HMGN2: variants seen among roughly 807,000 people sequenced by gnomAD.
The protein encoded by HMGN2 is non-histone chromosomal protein HMG-17.
In HMGN2, 2 loss-of-function variants were observed where a neutral mutation model predicts 16.9. That is an observed-to-expected ratio of 0.12 (90% CI 0.05 to 0.37). The LOEUF is 0.37. HMGN2 is among the 10% of genes least tolerant of loss of function. HMGN2 has a pLI of 1.00. For synonymous variants in HMGN2, 31 were observed against 34.9 expected, an observed-to-expected ratio of 0.89 and a Z score of 0.39; for missense variants, 90 against 106.0, an observed-to-expected ratio of 0.85 and a Z score of 0.66.
rs924440366 is a variant in HMGN2, at chr1:26,473,718, G to A, written c.76G>A (p.Ala26Thr). ...KVKDEPQRRS[A>T]RLSAKPAPPK... The stretch of plus-strand genomic sequence containing the variant: ...TCTTTAATAGCCACAGAGAAGATCC[G>A]CGAGGTTGTCTGCTGTAAGTGTATG... The change falls in exon 3 of 6, where the codon GCG becomes ACG. Residue 26 changes from alanine (A) to threonine (T), a missense_variant. Transcript: ENST00000361427. 6.2e-7 allele frequency: 1 copy of A among 1,613,970 alleles called. No homozygotes were observed. Among genetic ancestry groups the A allele is most frequent in the Non-Finnish European group, 8.5e-7 (1 of 1,179,960 alleles).
intron 5 of HMGN2, 139 bp downstream of exon 5, chr1:26,474,806 A>G (rs1162468171): frequency 1.9e-5 from 12 of 637,110 alleles, no homozygotes; most frequent in Non-Finnish European, 5.6e-6. Flanking sequence ...GTTAACTTAA[A>G]TCCTGGATTC....
chr1:26,472,700 G>C lies in HMGN2; in HGVS notation c.15+73G>C, dbSNP rs1374038693. Reference sequence around the variant, plus strand: ...GCCGCCGCCGCCTCCCTGGTGCAGGGAGCGAGAATCGGCGCCGAGCAGGAG... The same window carrying C: ...GCCGCCGCCGCCTCCCTGGTGCAGGCAGCGAGAATCGGCGCCGAGCAGGAG... On this transcript the variant is annotated intron_variant, in intron 1 of 5. Coordinates refer to ENST00000361427, the MANE Select transcript of HMGN2 (RefSeq NM_005517.4). The C allele has an allele frequency of 6.5e-6, 9 of 1,389,002 alleles. No individual in the cohort carries two copies. In the East Asian group the frequency reaches 2.4e-4, roughly 36 times the overall value. The allele number at this position is 1,389,002 out of a possible 1,614,324, so 86.0% of individuals were successfully genotyped here. A position where few individuals can be genotyped will look rare whatever the true frequency, so the allele number is the denominator to read the frequency against.
chr1:26,474,179 C>T (rs769185738), intron 4 of HMGN2, 44 bp downstream of exon 4: 1 of 1,449,582 alleles, frequency 6.9e-7, no homozygotes, highest in African/African-American at 1.4e-5. Flanking sequence ...AGAATGAGGA[C>T]TGTCCTTAGT....
Position 26,472,561 on chromosome 1 carries a change from C to G in HMGN2, c.-52C>G. The G allele has an allele frequency of 2.0e-6, 3 of 1,534,876 alleles. No individual in the cohort carries two copies. The Admixed American group carries it at 5.8e-5, about 30-fold the overall frequency. On this transcript the variant is annotated 5_prime_UTR_variant, in exon 1 of 6. Transcript: ENST00000361427. ...CCCGGACCGACCAAAGCCCGCGCGC[C>G]GCTGCATCCCGCGTCCAGCACCTAC...
chr1:26,473,560 T>C, intron 2 of HMGN2, 33 bp downstream of exon 2: 1 of 1,596,306 alleles, frequency 6.3e-7, no homozygotes, highest in Non-Finnish European at 8.6e-7. Flanking sequence ...GTCAAAGCCT[T>C]GGACTAGCAG....
chr1:26,473,104 G>A (rs1285199893), intron 1 of HMGN2: 3 of 257,108 alleles, frequency 1.2e-5, no homozygotes, highest in East Asian at 2.1e-4. Context: ...CGAGACGCGC[G>A]CTGTCGCCGC....
chr1:26,473,241 G>A (rs2075587202), intron 1 of HMGN2: 1 of 536,792 alleles, frequency 1.9e-6, no homozygotes, highest in African/African-American at 1.9e-5. Context: ...CCTGCCTGTC[G>A]CGGTGGTGCG....
rs758256526 is a variant in HMGN2 at position 26,473,567 on chromosome 1, G to C, written c.60+40G>C. ...CTTCAAGGGTCAAAGCCTTGGACTA[G>C]CAGAGGCCACTGGACTCGGTGATTA... On this transcript the variant is annotated intron_variant, in intron 2 of 5. Coordinates refer to ENST00000361427, the MANE Select transcript of HMGN2 (RefSeq NM_005517.4). The C allele has an allele frequency of 7.0e-6, 11 of 1,577,050 alleles. No homozygotes were observed. In the Admixed American group the frequency reaches 1.8e-4, roughly 26 times the overall value.
rs2075575900 is a variant in HMGN2 at position 26,472,533 on chromosome 1, A to AC, written c.-75dup. The stretch of plus-strand genomic sequence containing the variant: ...GCAGTGTGAAGAAGAGGCGAGAACG[A>AC]CCCCCGGACCGACCAAAGCCCGCGC... On this transcript the variant is annotated 5_prime_UTR_variant, in exon 1 of 6. Coordinates refer to ENST00000361427, the MANE Select transcript of HMGN2 (RefSeq NM_005517.4). The AC allele has an allele frequency of 1.3e-6, 2 of 1,512,200 alleles. No homozygotes were observed. Among genetic ancestry groups the AC allele is most frequent in the Non-Finnish European group, 1.8e-6 (2 of 1,129,720 alleles). The allele number at this position is 1,512,200 out of a possible 1,614,324, so 93.7% of individuals were successfully genotyped here. A position where few individuals can be genotyped will look rare whatever the true frequency, so the allele number is the denominator to read the frequency against.
At chr1:26,474,516 C>T in intron 4 of HMGN2, 56 bp from the exon 5 acceptor site, 2 of 831,882 alleles carry the variant, frequency 2.4e-6, no homozygotes, top group South Asian at 1.4e-5. Context: ...CTTTGCAGAC[C>T]ATACCTTGGT....
rs1183030359 is a variant in HMGN2, at chr1:26,473,489, G to A, written c.22G>A (p.Gly8Arg). MPKRKAE[G>R]DAKGDKAKVK... The stretch of plus-strand genomic sequence containing the variant: ...TTGTTCTTGTTTCTTATAGGCTGAA[G>A]GGGATGCTAAGGGAGATAAAGCAAA... The change falls in exon 2 of 6, where the codon GGG becomes AGG. Residue 8 changes from glycine (G) to arginine (R), a missense_variant. Physicochemically the swap from Gly to Arg is moderately radical, Grantham distance 125 (BLOSUM62 -2). Coordinates refer to ENST00000361427, the MANE Select transcript of HMGN2 (RefSeq NM_005517.4). 1.9e-6 allele frequency: 3 copies of A among 1,612,810 alleles called. No homozygotes were observed. The highest frequency in any genetic ancestry group is 2.5e-6 in the Non-Finnish European group (3 of 1,178,758).
intron 1 of HMGN2, 147 bp downstream of exon 1, chr1:26,472,774 G>C (rs1202969082): frequency 1.7e-5 from 12 of 715,984 alleles, no homozygotes; most frequent in South Asian, 3.9e-5. Context: ...CGGGCAGCTC[G>C]GGGCTAACCC....
chr1:26,474,657 A>C lies in HMGN2; in HGVS notation c.227A>C (p.Lys76Thr). Reference sequence around the variant, plus strand: ...AACCCTGCAGAAAATGGAGATGCCAAAACAGACCAGGTATAACTGCTGTTT... The same window carrying C: ...AACCCTGCAGAAAATGGAGATGCCACAACAGACCAGGTATAACTGCTGTTT... ...GNNPAENGDA[K>T]TDQAQKAEGA... The change falls in exon 5 of 6, where the codon AAA becomes ACA. Residue 76 changes from lysine (K) to threonine (T), a missense_variant. Transcript: ENST00000361427. The C allele has an allele frequency of 6.6e-7, 1 of 1,514,068 alleles. No individual in the cohort carries two copies. Among genetic ancestry groups the C allele is most frequent in the Non-Finnish European group, 9.2e-7 (1 of 1,090,674 alleles). 93.8% of individuals were successfully genotyped at this position (1,514,068 alleles called of 1,614,324 possible). A position where few individuals can be genotyped will look rare whatever the true frequency, so the allele number is the denominator to read the frequency against.
At position 26,472,596 on chromosome 1, in the gene HMGN2, C is replaced by T; in HGVS notation, c.-17C>T. On this transcript the variant is annotated 5_prime_UTR_variant, in exon 1 of 6. Coordinates refer to ENST00000361427, the MANE Select transcript of HMGN2 (RefSeq NM_005517.4). ...CGCGTCCAGCACCTACGTCCCGCTGCCGTCGCCGCCGCCACCATGCCCAAG... is the reference window on the plus strand; with the variant it reads ...CGCGTCCAGCACCTACGTCCCGCTGTCGTCGCCGCCGCCACCATGCCCAAG... 6.5e-7 allele frequency: 1 copy of T among 1,535,226 alleles called. No individual in the cohort carries two copies.
At chr1:26,474,966 C>A (rs1472996420) in intron 5 of HMGN2, 147 bp from the exon 6 acceptor site, 1 of 682,002 alleles carries the variant, frequency 1.5e-6, no homozygotes. Flanking sequence ...GCAAAGTTAC[C>A]TAGTAAGTCA....
intron 2 of HMGN2, 50 bp downstream of exon 2, chr1:26,473,577 C>T: frequency 1.3e-6 from 2 of 1,555,540 alleles, no homozygotes; most frequent in Non-Finnish European, 1.8e-6. Flanking sequence ...GCAGAGGCCA[C>T]TGGACTCGGT....
Position 26,472,478 on chromosome 1 carries a change from T to TA in HMGN2, c.-130dup, listed in dbSNP as rs1168965299. On this transcript the variant is annotated 5_prime_UTR_variant, in exon 1 of 6. Coordinates refer to ENST00000361427, the MANE Select transcript of HMGN2 (RefSeq NM_005517.4). ...AACCGGTCCGGGGCTCCCAGCGCTA[T>TA]AAAAACTTTATAAACCCCCCGGAGC... 9.0e-7 allele frequency: 1 copy of TA among 1,109,346 alleles called. No homozygotes were observed. Among genetic ancestry groups the TA allele is most frequent in the African/African-American group, 1.6e-5 (1 of 62,562 alleles). 68.7% of individuals were successfully genotyped at this position (1,109,346 alleles called of 1,614,324 possible). A position where few individuals can be genotyped will look rare whatever the true frequency, so the allele number is the denominator to read the frequency against.
Position 26,472,471 on chromosome 1 carries a change from A to G in HMGN2, c.-142A>G. 2 of 1,010,508 alleles carry G rather than the reference A, an allele frequency of 2.0e-6. No homozygotes were observed. The highest frequency in any genetic ancestry group is 2.8e-5 in the East Asian group (1 of 35,932). 62.6% of individuals were successfully genotyped at this position (1,010,508 alleles called of 1,614,324 possible). A position where few individuals can be genotyped will look rare whatever the true frequency, so the allele number is the denominator to read the frequency against. ...CGGTTCTAACCGGTCCGGGGCTCCC[A>G]GCGCTATAAAAACTTTATAAACCCC... On this transcript the variant is annotated 5_prime_UTR_variant, in exon 1 of 6. Coordinates refer to ENST00000361427, the MANE Select transcript of HMGN2 (RefSeq NM_005517.4).
At position 26,472,511 on chromosome 1, in the gene HMGN2, G is replaced by A; in HGVS notation, c.-102G>A. On this transcript the variant is annotated 5_prime_UTR_variant, in exon 1 of 6. It adds an upstream start codon to the 5' untranslated region. Coordinates refer to ENST00000361427, the MANE Select transcript of HMGN2 (RefSeq NM_005517.4). The stretch of plus-strand genomic sequence containing the variant: ...TTATAAACCCCCCGGAGCCCGAGCA[G>A]TGTGAAGAAGAGGCGAGAACGACCC... 7.3e-7 allele frequency: 1 copy of A among 1,366,724 alleles called. No homozygotes were observed. Among genetic ancestry groups the A allele is most frequent in the South Asian group, 1.2e-5 (1 of 80,646 alleles). 84.7% of individuals were successfully genotyped at this position (1,366,724 alleles called of 1,614,324 possible).
Sources: allele counts gnomAD v4.1 joint callset, GRCh38; gene constraint gnomAD v4.1.1; transcripts MANE v1.5; gene names NCBI Gene and HGNC (gene_info 2026-07-23, HGNC 2026-07-21).